XKR6: variants seen among roughly 807,000 people sequenced by gnomAD.
The protein encoded by XKR6 is XK related 6, also known as XK-related protein 6.
XKR6 carries 22 observed loss-of-function variants against 56.7 expected under a neutral mutation model. The observed-to-expected ratio is 0.39, with a 90% CI of 0.28 to 0.55. XKR6 has a LOEUF of 0.55. Among genes scored for constraint, XKR6 ranks in the 20% least tolerant of loss-of-function variants. The pLI is 0.66. For synonymous variants in XKR6, 524 were observed against 387.8 expected, an observed-to-expected ratio of 1.35 and a Z score of -4.13; for missense variants, 852 against 889.0, an observed-to-expected ratio of 0.96 and a Z score of 0.53.
chr8:11,008,727 C>T (rs1798431345), intron 1 of XKR6, among the ~76,000 whole-genome samples: 1 of 152,080 alleles, frequency 6.6e-6, no homozygotes, highest in Non-Finnish European at 1.5e-5. Context: ...CCAGACTTTC[C>T]AAAGGGTTCA....
intron 1 of XKR6, among the ~76,000 whole-genome samples, chr8:11,180,853 A>G (rs1802935595): frequency 1.3e-5 from 2 of 152,188 alleles, no homozygotes; most frequent in African/African-American, 4.8e-5. Flanking sequence ...GCTGCAGTGC[A>G]TTATGATCAT....
intron 1 of XKR6, among the ~76,000 whole-genome samples, chr8:11,130,176 G>C (rs1800033123): frequency 6.6e-6 from 1 of 152,106 alleles, no homozygotes; most frequent in Non-Finnish European, 1.5e-5. Flanking sequence ...TTTGTGGCTG[G>C]TTGTGTGTAT....
intron 1 of XKR6, among the ~76,000 whole-genome samples, chr8:10,952,869 G>T (rs1173947634): frequency 6.6e-6 from 1 of 152,170 alleles, no homozygotes; most frequent in African/African-American, 2.4e-5. Flanking sequence ...TGAGTGGCAG[G>T]CGAGGAAGCA....
intron 2 of XKR6, among the ~76,000 whole-genome samples, chr8:10,917,327 G>A (rs1421633885): frequency 6.6e-6 from 1 of 152,226 alleles, no homozygotes; most frequent in Non-Finnish European, 1.5e-5. Context: ...GAGAGGGGCT[G>A]GATGGCCTGA....
chr8:11,042,922 G>C (rs893625469), intron 1 of XKR6, among the ~76,000 whole-genome samples: 15 of 151,998 alleles, frequency 9.9e-5, no homozygotes, highest in Non-Finnish European at 1.5e-5. Context: ...TTCCTGCCAG[G>C]TCTCTGGAAC....
At chr8:10,968,801 A>C (rs183629113) in intron 1 of XKR6, among the ~76,000 whole-genome samples, 105 of 152,354 alleles carry the variant, frequency 6.9e-4, no homozygotes, top group Non-Finnish European at 1.3e-3. Flanking sequence ...AAAATGAGAA[A>C]GATTTCTGGG....
intron 1 of XKR6, among the ~76,000 whole-genome samples, chr8:11,180,871 C>T (rs998830085): frequency 6.6e-6 from 1 of 152,150 alleles, no homozygotes; most frequent in African/African-American, 2.4e-5. Flanking sequence ...CATGTTATTG[C>T]ACTACAGCCT....
At chr8:11,135,058 A>T (rs1315425120) in intron 1 of XKR6, among the ~76,000 whole-genome samples, 1 of 144,556 alleles carries the variant, frequency 6.9e-6, no homozygotes, top group South Asian at 2.2e-4. Flanking sequence ...TTTGAGGCGG[A>T]GTCTCCCTCT....
intron 1 of XKR6, chr8:11,124,697 G>C (rs1363861050): frequency 2.6e-5 from 4 of 152,808 alleles, no homozygotes; most frequent in African/African-American, 7.2e-5. Flanking sequence ...ACAAGAGGAA[G>C]CAGGAGCAGA....
chr8:11,028,275 A>G (rs751191468), intron 1 of XKR6, among the ~76,000 whole-genome samples: 1 of 152,138 alleles, frequency 6.6e-6, no homozygotes, highest in Non-Finnish European at 1.5e-5. Flanking sequence ...GTTTTTTCAT[A>G]GCTTGGTAGC....
chr8:11,118,762 C>G (rs1799299706), intron 1 of XKR6, among the ~76,000 whole-genome samples: 1 of 152,110 alleles, frequency 6.6e-6, no homozygotes, highest in African/African-American at 2.4e-5. Context: ...AAAACCAGCT[C>G]CTGGATTCAC....
chr8:11,198,992 T>C (rs1469728462), intron 1 of XKR6, among the ~76,000 whole-genome samples: 1 of 152,182 alleles, frequency 6.6e-6, no homozygotes, highest in Non-Finnish European at 1.5e-5. Context: ...TGTGGGTGTT[T>C]AGGAATTTAG....
At chr8:11,142,692 G>A (rs1017640669) in intron 1 of XKR6, among the ~76,000 whole-genome samples, 13 of 152,184 alleles carry the variant, frequency 8.5e-5, no homozygotes, top group Non-Finnish European at 1.9e-4. Context: ...CTCACCAGAA[G>A]CAGAAGCTGG....
intron 1 of XKR6, among the ~76,000 whole-genome samples, chr8:11,031,009 T>C (rs1430551935): frequency 6.6e-6 from 1 of 152,110 alleles, no homozygotes; most frequent in Non-Finnish European, 1.5e-5. Flanking sequence ...GTTGGTAGAG[T>C]GCACACCTAC....
intron 2 of XKR6, among the ~76,000 whole-genome samples, chr8:10,916,188 TGCA>T (rs1490046276): frequency 3.3e-5 from 5 of 152,376 alleles, no homozygotes; most frequent in Non-Finnish European, 5.9e-5. Flanking sequence ...TGAGTCATTA[TGCA>T]ATGTCGTTTG....
intron 1 of XKR6, among the ~76,000 whole-genome samples, chr8:10,988,273 C>T (rs1017798942): frequency 6.6e-6 from 1 of 152,190 alleles, no homozygotes; most frequent in Non-Finnish European, 1.5e-5. Flanking sequence ...TACTGTTTCC[C>T]CTGCACCTAC....
Position 11,116,536 on chromosome 8 carries a change from A to G in XKR6, c.764+84040T>C, listed in dbSNP as rs187851082. ...CAGGGGCCCATCGCCACACCTGGCT[A>G]ATTTTTGCATTTTTAGTAGAGACGG... On this transcript the variant is annotated intron_variant, in intron 1 of 2. Transcript: ENST00000416569. Among the ~76,000 whole-genome samples the G allele has an allele frequency of 2.0e-5, 3 of 152,068 alleles. No individual in the cohort carries two copies. In the East Asian group the frequency reaches 5.8e-4, roughly 29 times the overall value.
chr8:11,135,772 C>A (rs978584461), intron 1 of XKR6, among the ~76,000 whole-genome samples: 1 of 150,762 alleles, frequency 6.6e-6, no homozygotes, highest in Admixed American at 6.6e-5. Context: ...AACCACCATA[C>A]AGAAAAAAAT....
intron 1 of XKR6, among the ~76,000 whole-genome samples, chr8:11,144,223 A>AGTGTGTGTGTGTGT (rs35351104): frequency 0.025 from 3,385 of 136,448 alleles, 86 homozygotes; most frequent in African/African-American, 0.065. Flanking sequence ...TTAAATAAAA[A>AGTGTGTGTGTGTGT]GTGTGTGTGT....
Sources: allele counts gnomAD v4.1 joint callset (sites outside exome capture counted in the v4.1 genomes callset), GRCh38; gene constraint gnomAD v4.1.1; transcripts MANE v1.5; gene names NCBI Gene and HGNC (gene_info 2026-07-23, HGNC 2026-07-21).